The following C1QA variants were observed in gnomAD, a reference collection of about 807,000 sequenced individuals.
C1QA encodes complement C1q A chain.
C1QA carries 3 observed loss-of-function variants against 6.9 expected under a neutral mutation model. The ratio of observed to expected loss-of-function variants is 0.44; its 90% confidence interval spans 0.20 to 1.12. The LOEUF (loss-of-function observed/expected upper bound fraction) is 1.12, where lower values mean the gene tolerates loss of function less well. Ranked by LOEUF, C1QA falls within the 50% of genes most tolerant of loss-of-function variation. The pLI is 0.27. For synonymous variants in C1QA, 128 were observed against 134.1 expected, an observed-to-expected ratio of 0.95 and a Z score of 0.31; for missense variants, 273 against 326.6, an observed-to-expected ratio of 0.84 and a Z score of 1.26.
intron 2 of C1QA, among the ~76,000 whole-genome samples, chr1:22,638,088 T>C (rs1203942781): frequency 1.3e-5 from 2 of 152,224 alleles, no homozygotes; most frequent in Non-Finnish European, 2.9e-5. Flanking sequence ...TCCTTGTTCA[T>C]GTTTCTCTTG....
rs1218366518 is a variant in C1QA, at chr1:22,639,559, G to A, written c.*152G>A. 10 of 787,982 alleles carry A rather than the reference G, an allele frequency of 1.3e-5. No individual in the cohort carries two copies. The highest frequency in any genetic ancestry group is 2.0e-5 in the Non-Finnish European group (10 of 496,464). 48.8% of individuals were successfully genotyped at this position (787,982 alleles called of 1,614,324 possible). ...CCGTGACACATGCTCTAAGAAGCTC[G>A]TTTCTTAGACCTCTTCCTGGAATAA... On this transcript the variant is annotated 3_prime_UTR_variant, in exon 3 of 3. Transcript: ENST00000374642. The surrounding 1 kb of genome is among the most constrained non-coding windows in gnomAD (Gnocchi z 4.6).
chr1:22,636,930 A>G (rs1448478060), intron 1 of C1QA: 1 of 153,164 alleles, frequency 6.5e-6, no homozygotes, highest in Non-Finnish European at 1.5e-5. Context: ...GTTAGACCTA[A>G]CAACTGAAGG....
At position 22,637,279 on chromosome 1, in the gene C1QA, A is replaced by C. The variant is rs1642195294; in HGVS notation, c.-7-331A>C. 1.3e-5 allele frequency among the ~76,000 whole-genome samples: 2 copies of C among 152,158 alleles called. No individual in the cohort carries two copies. Among genetic ancestry groups the C allele is most frequent in the African/African-American group, 4.8e-5 (2 of 41,418 alleles). ...TCCGTGCAAGTGAGGGACAGGGTCT[A>C]TTTGGGTATCAGTTGTGTGTCTAGG... On this transcript the variant is annotated intron_variant, in intron 1 of 2. Coordinates refer to ENST00000374642, the MANE Select transcript of C1QA (RefSeq NM_015991.4). This position sits in a 1 kb window ranked among gnomAD's most constrained non-coding sequence, Gnocchi z 4.4.
Position 22,637,672 on chromosome 1 carries a change from C to G in C1QA, c.56C>G (p.Ser19Cys), listed in dbSNP as rs779210041. 1 of 1,614,046 alleles carries G rather than the reference C, an allele frequency of 6.2e-7. No individual in the cohort carries two copies. Among genetic ancestry groups the G allele is most frequent in the Non-Finnish European group, 8.5e-7 (1 of 1,179,968 alleles). ...TGTGTGCTGGCCATATCGCTGGCCTCTATGGTGACCGAGGACTTGTGCCGA... is the reference window on the plus strand; with the variant it reads ...TGTGTGCTGGCCATATCGCTGGCCTGTATGGTGACCGAGGACTTGTGCCGA... ...VLCVLAISLASMVTEDLCRAP... is the reference protein window; with the variant it reads ...VLCVLAISLACMVTEDLCRAP... Residue 19 changes from serine (S) to cysteine (C), a missense_variant, in exon 2 of 3, where the codon TCT (serine) becomes TGT (cysteine). Physicochemically the swap from Ser to Cys is moderately radical, Grantham distance 112. Coordinates refer to ENST00000374642, the MANE Select transcript of C1QA (RefSeq NM_015991.4). The surrounding 1 kb of genome is among the most constrained non-coding windows in gnomAD (Gnocchi z 4.4).
Position 22,639,535 on chromosome 1 carries a change from C to A in C1QA, c.*128C>A. 1 of 1,016,116 alleles carries A rather than the reference C, an allele frequency of 9.8e-7. No homozygotes were observed. The allele number at this position is 1,016,116 out of a possible 1,614,324, so 62.9% of individuals were successfully genotyped here. ...CTGAGAGCCCCAGGACTGGCTGCCC[C>A]GTGACACATGCTCTAAGAAGCTCGT... On this transcript the variant is annotated 3_prime_UTR_variant, in exon 3 of 3. Transcript: ENST00000374642. This position sits in a 1 kb window ranked among gnomAD's most constrained non-coding sequence, Gnocchi z 4.6.
Position 22,638,814 on chromosome 1 carries a change from C to G in C1QA, c.164-19C>G. The G allele has an allele frequency of 6.4e-7, 1 of 1,565,582 alleles. No homozygotes were observed. The highest frequency in any genetic ancestry group is 8.7e-7 in the Non-Finnish European group (1 of 1,155,252). On this transcript the variant is annotated intron_variant, in intron 2 of 2. Transcript: ENST00000374642. ...TAGGCATTGGACTCTCACTTCCAAT[C>G]TGGCATTTCTCCCCACAGGGGCCCC...
At position 22,637,110 on chromosome 1, in the gene C1QA, G is replaced by A. The variant is rs778731483; in HGVS notation, c.-8+408G>A. On this transcript the variant is annotated intron_variant, in intron 1 of 2. Coordinates refer to ENST00000374642, the MANE Select transcript of C1QA (RefSeq NM_015991.4). The surrounding 1 kb of genome is among the most constrained non-coding windows in gnomAD (Gnocchi z 4.4). ...TGAGCATGCAGAAGAGTGAGCAGGT[G>A]TCGCTTTGGGCGTTTGTGAATTCCT... Among the ~76,000 whole-genome samples, 1 of 152,236 alleles carries A rather than the reference G, an allele frequency of 6.6e-6. No homozygotes were observed. The highest frequency in any genetic ancestry group is 1.5e-5 in the Non-Finnish European group (1 of 68,042).
rs201693493 is a variant in C1QA at position 22,637,741 on chromosome 1, G to A, written c.125G>A (p.Arg42Gln). The change falls in exon 2 of 3, where the codon CGG becomes CAG. Residue 42 changes from arginine to glutamine, a missense_variant. Transcript: ENST00000374642. The surrounding 1 kb of genome is among the most constrained non-coding windows in gnomAD (Gnocchi z 4.4). ...GGGGAGGCAGGAAGACCTGGCAGAC[G>A]GGGGCGGCCAGGCCTCAAGGGGGAG... ...KKGEAGRPGR[R>Q]GRPGLKGEQG... 8.8e-5 allele frequency: 141 copies of A among 1,606,844 alleles called. 2 individuals are homozygous for A. In the Middle Eastern group the frequency reaches 2.0e-3, roughly 23 times the overall value.
intron 2 of C1QA, among the ~76,000 whole-genome samples, chr1:22,638,089 G>C (rs1642210054): frequency 6.6e-6 from 1 of 152,180 alleles, no homozygotes; most frequent in Admixed American, 6.5e-5. Context: ...CCTTGTTCAT[G>C]TTTCTCTTGC....
chr1:22,639,196 TCTC>T lies in C1QA; in HGVS notation c.534_536del (p.Ser179del), dbSNP rs1642228623. The stretch of plus-strand genomic sequence containing the variant: ...CAGTGGGAAATCTGCCTGTCCATCG[TCTC>T]CTCCTCAAGGGGCCAGGTCCGACGC... On this transcript the variant is annotated inframe_deletion, in exon 3 of 3. Coordinates refer to ENST00000374642, the MANE Select transcript of C1QA (RefSeq NM_015991.4). The surrounding 1 kb of genome is among the most constrained non-coding windows in gnomAD (Gnocchi z 4.6). The T allele has an allele frequency of 1.9e-6, 3 of 1,614,030 alleles. No homozygotes were observed. The highest frequency in any genetic ancestry group is 2.5e-6 in the Non-Finnish European group (3 of 1,180,026).
In C1QA at chr1:22,638,964, A is replaced by C. The variant is rs180679721; in HGVS notation, c.295A>C (p.Ile99Leu). 2.4e-4 allele frequency: 382 copies of C among 1,609,810 alleles called. 1 individual carries two copies. In the Middle Eastern group the frequency reaches 2.6e-3, roughly 11 times the overall value. ...GPLGARGIPG[I>L]KGTKGSPGNI... ...CCTCGGAGCCCGTGGCATCCCGGGAATTAAAGGCACCAAGGGCAGCCCAGG... is the reference window on the plus strand; with the variant it reads ...CCTCGGAGCCCGTGGCATCCCGGGACTTAAAGGCACCAAGGGCAGCCCAGG... The change falls in exon 3 of 3, where the codon ATT (isoleucine) becomes CTT (leucine). Residue 99 changes from isoleucine to leucine, a missense_variant. Transcript: ENST00000374642.
intron 2 of C1QA, among the ~76,000 whole-genome samples, chr1:22,638,318 C>T (rs1057003435): frequency 6.6e-6 from 1 of 152,208 alleles, no homozygotes; most frequent in Non-Finnish European, 1.5e-5. Context: ...CCAGCCCCTT[C>T]AGGCTTCAGA....
chr1:22,639,008 G>C lies in C1QA; in HGVS notation c.339G>C (p.Pro113=), dbSNP rs752735594. 6.2e-7 allele frequency: 1 copy of C among 1,613,690 alleles called. No homozygotes were observed. Among genetic ancestry groups the C allele is most frequent in the Admixed American group, 1.7e-5 (1 of 59,914 alleles). Residue 113 remains proline, a synonymous_variant, in exon 3 of 3, where the codon CCG becomes CCC. Coordinates refer to ENST00000374642, the MANE Select transcript of C1QA (RefSeq NM_015991.4). This position sits in a 1 kb window ranked among gnomAD's most constrained non-coding sequence, Gnocchi z 4.6. ...GCCCAGGAAACATCAAGGACCAGCCGAGGCCAGCCTTCTCCGCCATTCGGC... is the reference window on the plus strand; with the variant it reads ...GCCCAGGAAACATCAAGGACCAGCCCAGGCCAGCCTTCTCCGCCATTCGGC... ...KGSPGNIKDQ[P]RPAFSAIRRN...
Position 22,639,501 on chromosome 1 carries a change from G to C in C1QA, c.*94G>C. 2.0e-6 allele frequency: 3 copies of C among 1,469,976 alleles called. No individual in the cohort carries two copies. The highest frequency in any genetic ancestry group is 2.8e-6 in the Non-Finnish European group (3 of 1,078,942). The allele number at this position is 1,469,976 out of a possible 1,614,324, so 91.1% of individuals were successfully genotyped here. On this transcript the variant is annotated 3_prime_UTR_variant, in exon 3 of 3. Coordinates refer to ENST00000374642, the MANE Select transcript of C1QA (RefSeq NM_015991.4). This position sits in a 1 kb window ranked among gnomAD's most constrained non-coding sequence, Gnocchi z 4.6. Reference sequence around the variant, plus strand: ...TATTGCTTCAGCTGCTGAAGGGAGGGGGCTGGCTCTGAGAGCCCCAGGACT... The same window carrying C: ...TATTGCTTCAGCTGCTGAAGGGAGGCGGCTGGCTCTGAGAGCCCCAGGACT...
At position 22,639,452 on chromosome 1, in the gene C1QA, G is replaced by C. The variant is rs769898707; in HGVS notation, c.*45G>C. 10 of 1,599,894 alleles carry C rather than the reference G, an allele frequency of 6.3e-6. No individual in the cohort carries two copies. The South Asian group carries it at 1.1e-4, about 18-fold the overall frequency. On this transcript the variant is annotated 3_prime_UTR_variant, in exon 3 of 3. Transcript: ENST00000374642. The surrounding 1 kb of genome is among the most constrained non-coding windows in gnomAD (Gnocchi z 4.6). ...CCCCACCCACCTCTCTGGCTTCCAT[G>C]CTCCGCCTGTAAAATGGGGGCGCTA... is the stretch of plus-strand genomic sequence containing the variant.
chr1:22,639,473 C>A lies in C1QA; in HGVS notation c.*66C>A. The A allele has an allele frequency of 6.4e-7, 1 of 1,566,520 alleles. No homozygotes were observed. Among genetic ancestry groups the A allele is most frequent in the Non-Finnish European group, 8.7e-7 (1 of 1,151,884 alleles). On this transcript the variant is annotated 3_prime_UTR_variant, in exon 3 of 3. Transcript: ENST00000374642. This position sits in a 1 kb window ranked among gnomAD's most constrained non-coding sequence, Gnocchi z 4.6. ...CCATGCTCCGCCTGTAAAATGGGGG[C>A]GCTATTGCTTCAGCTGCTGAAGGGA...
chr1:22,638,789 T>C, intron 2 of C1QA, 44 bp from the exon 3 acceptor site: 1 of 1,547,718 alleles, frequency 6.5e-7, no homozygotes, highest in Non-Finnish European at 8.7e-7. Flanking sequence ...TGAGGACCAG[T>C]AGGCATTGGA....
rs1642191912 is a variant in C1QA at position 22,637,051 on chromosome 1, A to G, written c.-8+349A>G. On this transcript the variant is annotated intron_variant, in intron 1 of 2. Coordinates refer to ENST00000374642, the MANE Select transcript of C1QA (RefSeq NM_015991.4). This position sits in a 1 kb window ranked among gnomAD's most constrained non-coding sequence, Gnocchi z 4.4. ...AGCAGAGGGGACTGTAGGGGCAGCCAGTCACCCATGCTCAGGTGGATGCTG... is the reference window on the plus strand; with the variant it reads ...AGCAGAGGGGACTGTAGGGGCAGCCGGTCACCCATGCTCAGGTGGATGCTG... Among the ~76,000 whole-genome samples, 1 of 152,186 alleles carries G rather than the reference A, an allele frequency of 6.6e-6. No individual in the cohort carries two copies. Among genetic ancestry groups the G allele is most frequent in the Admixed American group, 6.5e-5 (1 of 15,288 alleles).
rs1210128540 is a variant in C1QA at position 22,638,963 on chromosome 1, A to G, written c.294A>G (p.Gly98=). 1 of 1,609,494 alleles carries G rather than the reference A, an allele frequency of 6.2e-7. No individual in the cohort carries two copies. ...CCCTCGGAGCCCGTGGCATCCCGGG[A>G]ATTAAAGGCACCAAGGGCAGCCCAG... is the stretch of plus-strand genomic sequence containing the variant. ...SGPLGARGIP[G]IKGTKGSPGN... is the part of the protein sequence containing the mutation. The change falls in exon 3 of 3, where the codon GGA becomes GGG. Residue 98 remains glycine, a synonymous_variant. Coordinates refer to ENST00000374642, the MANE Select transcript of C1QA (RefSeq NM_015991.4).
Sources: allele counts gnomAD v4.1 joint callset (sites outside exome capture counted in the v4.1 genomes callset), GRCh38; gene constraint gnomAD v4.1.1; non-coding constraint Gnocchi (gnomAD v3.1); transcripts MANE v1.5; gene names NCBI Gene and HGNC (gene_info 2026-07-23, HGNC 2026-07-21).